Variants in PCDHGB5 observed in about 807,000 individuals in gnomAD.
PCDHGB5 encodes protocadherin gamma-B5.
Under a neutral mutation model 62.9 loss-of-function variants are expected in PCDHGB5, and 48 were observed. The ratio of observed to expected loss-of-function variants is 0.76; its 90% CI spans 0.61 to 0.97. The LOEUF is 0.97. Ranked by LOEUF, PCDHGB5 falls within the 50% of genes least tolerant of loss-of-function variation. The pLI is 0.00. For synonymous variants in PCDHGB5, 474 were observed against 511.2 expected (o/e 0.93, Z 0.98); for missense variants, 1,118 against 1,198.6 (o/e 0.93, Z 0.99).
chr5:141,485,858 C>A lies in PCDHGB5; in HGVS notation c.2398-8949C>A, dbSNP rs1431906047. 8.1e-6 allele frequency: 13 copies of A among 1,614,162 alleles called. No individual in the cohort carries two copies. The South Asian group carries it at 1.4e-4, about 18-fold the overall frequency. ...GCCGAGATCTGGCACCGCAGAGCTC[C>A]GGGTATCCGTGCTGGACGTAAACGA... On this transcript the variant is annotated intron_variant, in intron 1 of 3. Coordinates refer to ENST00000617380, the MANE Select transcript of PCDHGB5 (RefSeq NM_018925.3). This position sits in a 1 kb window ranked among gnomAD's most constrained non-coding sequence, Gnocchi z 5.7.
In PCDHGB5 at chr5:141,511,112, G is replaced by C. The variant is rs767257788; in HGVS notation, c.2711G>C (p.Gly904Ala). The change falls in exon 4 of 4, where the codon GGC becomes GCC. Residue 904 changes from glycine (G) to alanine (A), a missense_variant. Coordinates refer to ENST00000617380, the MANE Select transcript of PCDHGB5 (RefSeq NM_018925.3). ...TLTNAAGKRD[G>A]KAPAGGNGNK... The stretch of plus-strand genomic sequence containing the variant: ...ACCAACGCAGCTGGCAAGCGGGATG[G>C]CAAGGCCCCAGCAGGTGGCAATGGC... The C allele has an allele frequency of 4.3e-6, 7 of 1,614,232 alleles. No homozygotes were observed. Among genetic ancestry groups the C allele is most frequent in the Non-Finnish European group, 5.9e-6 (7 of 1,180,024 alleles).
intron 1 of PCDHGB5, chr5:141,410,671 C>T: frequency 1.3e-6 from 2 of 1,563,260 alleles, no homozygotes; most frequent in Non-Finnish European, 1.7e-6. Context: ...ACTAGTTTCT[C>T]ATATTTTAGG....
At chr5:141,454,409 T>G (rs1221091875) in intron 1 of PCDHGB5, among the ~76,000 whole-genome samples, 1 of 152,162 alleles carries the variant, frequency 6.6e-6, no homozygotes, top group Non-Finnish European at 1.5e-5. Flanking sequence ...TTATTCCTTT[T>G]TATTTATTTA....
chr5:141,433,837 C>CAAA lies in PCDHGB5; in HGVS notation c.2397+33329_2397+33331dup, dbSNP rs56191208. The stretch of plus-strand genomic sequence containing the variant: ...GGGCAACAAGAGTGAAACTCTATCT[C>CAAA]AAAAAAAAAAAAAAAAAACTTTATC... On this transcript the variant is annotated intron_variant, in intron 1 of 3. Transcript: ENST00000617380. 4.3e-3 allele frequency among the ~76,000 whole-genome samples: 475 copies of CAAA among 111,672 alleles called. 6 individuals carry two copies. The highest frequency in any genetic ancestry group is 0.013 in the African/African-American group (431 of 32,292). The allele number at this position is 111,672 out of a possible 152,430, so 73.3% of individuals were successfully genotyped here.
rs376764580 is a variant in PCDHGB5 at position 141,400,568 on chromosome 5, T to C, written c.2397+44T>C. On this transcript the variant is annotated intron_variant, in intron 1 of 3. Coordinates refer to ENST00000617380, the MANE Select transcript of PCDHGB5 (RefSeq NM_018925.3). ...TATTCTTTTTCATTACCCACCCAATTTTCTGTATTTACATGAAACTATCGT... is the reference window on the plus strand; with the variant it reads ...TATTCTTTTTCATTACCCACCCAATCTTCTGTATTTACATGAAACTATCGT... 46 of 1,612,870 alleles carry C rather than the reference T, an allele frequency of 2.9e-5. No homozygotes were observed. In the African/African-American group the frequency reaches 5.7e-4, roughly 20 times the overall value.
In PCDHGB5 at chr5:141,485,079, A is replaced by C; in HGVS notation, c.2398-9728A>C. ...AACCGCGCCAGAGCTGGCGCGGGGA[A>C]AGGGAGATAGGTGTCTCCAGCTGCT... is the stretch of plus-strand genomic sequence containing the variant. On this transcript the variant is annotated intron_variant, in intron 1 of 3. Transcript: ENST00000617380. This position sits in a 1 kb window ranked among gnomAD's most constrained non-coding sequence, Gnocchi z 5.7. 1 of 949,456 alleles carries C rather than the reference A, an allele frequency of 1.1e-6. No individual in the cohort carries two copies. The highest frequency in any genetic ancestry group is 1.6e-6 in the Non-Finnish European group (1 of 614,758). 58.8% of individuals were successfully genotyped at this position (949,456 alleles called of 1,614,324 possible).
At chr5:141,419,327 TC>T (rs774592605) in intron 1 of PCDHGB5, 1 of 1,613,856 alleles carries the variant, frequency 6.2e-7, no homozygotes, top group Non-Finnish European at 8.5e-7. Flanking sequence ...TGTCTCCTAC[TC>T]TCTCATTGCC....
At chr5:141,423,332 C>T in intron 1 of PCDHGB5, 1 of 1,614,198 alleles carries the variant, frequency 6.2e-7, no homozygotes, top group South Asian at 1.1e-5. Flanking sequence ...GCCGCAGTCT[C>T]CTGCATCTTC....
At position 141,511,574 on chromosome 5, in the gene PCDHGB5, GT is replaced by G. The variant is rs1158598698; in HGVS notation, c.*403del. ...CAGTTCCTCTTTCCCGAGTAAGGTG[GT>G]TGGGGTGTTGAAGTACCAAGTAACC... On this transcript the variant is annotated 3_prime_UTR_variant, in exon 4 of 4. Coordinates refer to ENST00000617380, the MANE Select transcript of PCDHGB5 (RefSeq NM_018925.3). 3.5e-6 allele frequency: 1 copy of G among 287,556 alleles called. No individual in the cohort carries two copies. The highest frequency in any genetic ancestry group is 2.2e-5 in the African/African-American group (1 of 46,340). 17.8% of individuals were successfully genotyped at this position (287,556 alleles called of 1,614,324 possible).
At chr5:141,450,786 C>A (rs1468388706) in intron 1 of PCDHGB5, among the ~76,000 whole-genome samples, 1 of 151,020 alleles carries the variant, frequency 6.6e-6, no homozygotes, top group Admixed American at 6.6e-5. Flanking sequence ...CGTGCCCGGA[C>A]CTCATGATTG....
At position 141,487,249 on chromosome 5, in the gene PCDHGB5, C is replaced by T. The variant is rs757148469; in HGVS notation, c.2398-7558C>T. ...AAGGAGAATCTCGTCTAACCCTCTACTTGGCTGTGTCCCTAGTGGCAATTT... is the reference window on the plus strand; with the variant it reads ...AAGGAGAATCTCGTCTAACCCTCTATTTGGCTGTGTCCCTAGTGGCAATTT... On this transcript the variant is annotated intron_variant, in intron 1 of 3. Coordinates refer to ENST00000617380, the MANE Select transcript of PCDHGB5 (RefSeq NM_018925.3). The surrounding 1 kb of genome is among the most constrained non-coding windows in gnomAD (Gnocchi z 5.0). 2.5e-6 allele frequency: 4 copies of T among 1,614,164 alleles called. No homozygotes were observed. In the South Asian group the frequency reaches 4.4e-5, roughly 18 times the overall value.
At chr5:141,404,408 A>C (rs2154535328) in intron 1 of PCDHGB5, 1 of 1,613,900 alleles carries the variant, frequency 6.2e-7, no homozygotes, top group East Asian at 2.2e-5. Flanking sequence ...TGAGAATTCT[A>C]GAGTTATTTA....
chr5:141,496,747 A>T (rs13188028), intron 2 of PCDHGB5, among the ~76,000 whole-genome samples: 1 of 152,124 alleles, frequency 6.6e-6, no homozygotes, highest in Non-Finnish European at 1.5e-5. Context: ...CATTTATTCA[A>T]CAAATATTTA....
At chr5:141,446,263 C>T (rs2098496356) in intron 1 of PCDHGB5, among the ~76,000 whole-genome samples, 1 of 152,010 alleles carries the variant, frequency 6.6e-6, no homozygotes, top group East Asian at 1.9e-4. Flanking sequence ...ATATTATTAA[C>T]TGAATAAATA....
chr5:141,409,023 A>C, intron 1 of PCDHGB5: 1 of 1,614,044 alleles, frequency 6.2e-7, no homozygotes, highest in Non-Finnish European at 8.5e-7. Flanking sequence ...GAGGGGGTCA[A>C]TGCTGAGATA....
At chr5:141,419,877 C>T in intron 1 of PCDHGB5, 3 of 1,614,062 alleles carry the variant, frequency 1.9e-6, no homozygotes, top group Non-Finnish European at 8.5e-7. Flanking sequence ...GAGGTACTGC[C>T]GGATTTCAGC....
At chr5:141,500,840 C>G (rs1394248251) in intron 2 of PCDHGB5, among the ~76,000 whole-genome samples, 1 of 151,966 alleles carries the variant, frequency 6.6e-6, no homozygotes, top group Non-Finnish European at 1.5e-5. Context: ...TGCTAATGGG[C>G]TTTTGCTACA....
intron 1 of PCDHGB5, chr5:141,419,981 AT>A (rs1205154474): frequency 1.2e-6 from 2 of 1,614,052 alleles, no homozygotes; most frequent in Admixed American, 3.3e-5. Flanking sequence ...CCTCGCGGTG[AT>A]TCTAGCTATT....
chr5:141,441,633 C>T, intron 1 of PCDHGB5: 1 of 226,756 alleles, frequency 4.4e-6, no homozygotes, highest in Non-Finnish European at 8.9e-6. Flanking sequence ...CCTGGAGCCA[C>T]AGGCGCTGTG....
Sources: gnomAD v4.1 joint callset for allele counts (sites outside exome capture counted in the v4.1 genomes callset) on GRCh38, gnomAD v4.1.1 for gene constraint, Gnocchi (gnomAD v3.1) non-coding constraint, MANE v1.5 for transcripts, NCBI Gene and HGNC (gene_info 2026-07-23, HGNC 2026-07-21) for gene names.